Variants in SNURF observed in about 807,000 individuals in gnomAD.
SNURF encodes the protein SNRPN upstream open reading frame.
A neutral mutation model predicts 11.6 loss-of-function variants in SNURF; 6 were observed. That is an observed-to-expected ratio of 0.52 (90% CI 0.28 to 1.02). SNURF has a LOEUF of 1.02. Ranked by LOEUF, SNURF falls within the 50% of genes least tolerant of loss-of-function variation. SNURF has a pLI of 0.09. For synonymous variants in SNURF, 29 were observed against 31.6 expected, an observed-to-expected ratio of 0.92 and a Z score of 0.27; for missense variants, 84 against 88.4, an observed-to-expected ratio of 0.95 and a Z score of 0.20.
intron 1 of SNURF, among the ~76,000 whole-genome samples, chr15:24,956,648 C>T (rs1010700471): frequency 6.6e-6 from 1 of 152,204 alleles, no homozygotes; most frequent in Non-Finnish European, 1.5e-5. Context: ...GGCAGCCCTC[C>T]CCTTCACCTG....
chr15:24,976,344 G>T, exon 5 of SNURF: 1 of 1,613,510 alleles, frequency 6.2e-7, no homozygotes, highest in Non-Finnish European at 8.5e-7. Flanking sequence ...AAGAAAAGCG[G>T]GTTTTGGGTC....
At chr15:24,958,482 CAA>C (rs1311149228) in intron 1 of SNURF, among the ~76,000 whole-genome samples, 1 of 99,138 alleles carries the variant, frequency 1.0e-5, no homozygotes, top group Admixed American at 1.3e-4. Flanking sequence ...CTAGCTGGCT[CAA>C]AGTTTTTTTT....
At chr15:24,960,747 TGA>T (rs555061937) in intron 1 of SNURF, among the ~76,000 whole-genome samples, 64 of 152,314 alleles carry the variant, frequency 4.2e-4, no homozygotes, top group African/African-American at 1.5e-3. Context: ...TGTTGAGTTG[TGA>T]GAGTTCCTTA....
At chr15:24,976,956 C>A in exon 6 of SNURF, 1 of 1,606,336 alleles carries the variant, frequency 6.2e-7, no homozygotes, top group Non-Finnish European at 8.5e-7. Flanking sequence ...GGAGTACCAG[C>A]TGGTGTGCCA....
At chr15:24,975,626 C>A in intron 4 of SNURF, 1 of 806,500 alleles carries the variant, frequency 1.2e-6, no homozygotes, top group Non-Finnish European at 2.0e-6. Flanking sequence ...TATGGTAGAG[C>A]CAGTCTATTG....
intron 1 of SNURF, among the ~76,000 whole-genome samples, chr15:24,961,053 T>G (rs997012986): frequency 9.9e-5 from 15 of 152,214 alleles, no homozygotes; most frequent in African/African-American, 3.6e-4. Context: ...CCTTTCACTT[T>G]CTTTAGTGTT....
intron 4 of SNURF, among the ~76,000 whole-genome samples, chr15:24,976,034 T>G (rs2077020945): frequency 6.6e-6 from 1 of 152,216 alleles, no homozygotes; most frequent in South Asian, 2.1e-4. Context: ...TTGTTTTTCT[T>G]AAAAGGTATT....
intron 2 of SNURF, among the ~76,000 whole-genome samples, chr15:24,967,549 G>A (rs750807787): frequency 2.6e-5 from 4 of 151,992 alleles, no homozygotes; most frequent in Non-Finnish European, 5.9e-5. Context: ...GGCTGACACT[G>A]GAGAATGGCG....
intron 1 of SNURF, among the ~76,000 whole-genome samples, chr15:24,955,486 T>C (rs1217564971): frequency 3.3e-5 from 5 of 150,258 alleles, no homozygotes; most frequent in Non-Finnish European, 5.9e-5. Context: ...GGTAGGTATA[T>C]TGGAGTGATT....
chr15:24,971,641 C>T (rs761995896), downstream of SNURF, among the ~76,000 whole-genome samples: 16 of 152,014 alleles, frequency 1.1e-4, no homozygotes, highest in Admixed American at 3.3e-4. Flanking sequence ...ACCTCTGGAC[C>T]GCTAAGCTTG....
intron 4 of SNURF, chr15:24,975,615 C>T: frequency 1.1e-6 from 1 of 888,978 alleles, no homozygotes; most frequent in Non-Finnish European, 1.8e-6. Flanking sequence ...GTTAGGGAAA[C>T]TATGGTAGAG....
chr15:24,955,092 G>C (rs1266504939), intron 1 of SNURF, 30 bp downstream of exon 1: 1 of 1,613,616 alleles, frequency 6.2e-7, no homozygotes, highest in Non-Finnish European at 8.5e-7. Context: ...TCTCTCAAGA[G>C]ACAGCCTGGG....
exon 3 of SNURF, chr15:24,968,034 T>C: frequency 6.2e-7 from 1 of 1,613,922 alleles, no homozygotes; most frequent in Non-Finnish European, 8.5e-7. Context: ...CAAGAGGTGG[T>C]TAAAGCCATA....
At chr15:24,966,115 A>G (rs943998194) in intron 2 of SNURF, among the ~76,000 whole-genome samples, 1 of 152,148 alleles carries the variant, frequency 6.6e-6, no homozygotes, top group African/African-American at 2.4e-5. Flanking sequence ...TGCCCTCCAG[A>G]ACATTCCCCT....
At chr15:24,956,354 C>CGGAGGG (rs66513284) in intron 1 of SNURF, among the ~76,000 whole-genome samples, 2 of 138,224 alleles carry the variant, frequency 1.4e-5, no homozygotes, top group Admixed American at 1.5e-4. Context: ...AGCGCTTCAG[C>CGGAGGG]GGGGGGGTGG....
intron 1 of SNURF, among the ~76,000 whole-genome samples, chr15:24,957,852 T>A (rs1011229161): frequency 6.6e-6 from 1 of 152,162 alleles, no homozygotes; most frequent in Non-Finnish European, 1.5e-5. Flanking sequence ...CATTTTGTAG[T>A]CTTGCATTCA....
downstream of SNURF, chr15:24,977,960 A>G: frequency 2.0e-6 from 3 of 1,501,876 alleles, no homozygotes; most frequent in Non-Finnish European, 2.7e-6. Flanking sequence ...ATCTCTGATG[A>G]GAGATAGCTT....
At chr15:24,967,237 C>T (rs576503026) in intron 2 of SNURF, 1 of 152,382 alleles carries the variant, frequency 6.6e-6, no homozygotes, top group South Asian at 2.1e-4. Context: ...TATTTCTAGA[C>T]TTGGTAAGTA....
intron 2 of SNURF, 44 bp from the exon 3 acceptor site, chr15:24,967,888 C>G (rs758609750): frequency 6.8e-7 from 1 of 1,472,272 alleles, no homozygotes; most frequent in Non-Finnish European, 9.4e-7. Context: ...CCTATAAAGA[C>G]AAATGTATTT....
Sources: gnomAD v4.1 joint callset for allele counts (sites outside exome capture counted in the v4.1 genomes callset) on GRCh38, gnomAD v4.1.1 for gene constraint, MANE v1.5 for transcripts, NCBI Gene and HGNC (gene_info 2026-07-23, HGNC 2026-07-21) for gene names.